XRCC5: variants seen among roughly 807,000 people sequenced by gnomAD.
XRCC5 encodes the protein X-ray repair cross complementing 5.
In XRCC5, 12 loss-of-function variants were observed where a neutral mutation model predicts 95.7. The observed-to-expected ratio is 0.13, with a 90% CI of 0.08 to 0.20. XRCC5 has a LOEUF of 0.20. Ranked by LOEUF, XRCC5 falls within the 10% of genes least tolerant of loss-of-function variation. The pLI, the probability that XRCC5 is intolerant of heterozygous loss-of-function variation, is 1.00. For missense variants in XRCC5, 595 were observed against 873.9 expected, an observed-to-expected ratio of 0.68 and a Z score of 4.02; for synonymous variants, 281 against 290.3, an observed-to-expected ratio of 0.97 and a Z score of 0.33.
At chr2:216,114,911 G>C (rs1280951079) in intron 2 of XRCC5, among the ~76,000 whole-genome samples, 1 of 152,126 alleles carries the variant, frequency 6.6e-6, no homozygotes, top group East Asian at 1.9e-4. Context: ...TTAAGCAGTA[G>C]CAGGGCTAGT....
chr2:216,160,059 C>G lies in XRCC5; in HGVS notation c.1671-9C>G, dbSNP rs367669831. The G allele has an allele frequency of 8.9e-5, 127 of 1,431,346 alleles. No homozygotes were observed. Among genetic ancestry groups the G allele is most frequent in the Non-Finnish European group, 1.0e-4 (112 of 1,088,754 alleles). 88.7% of individuals were successfully genotyped at this position (1,431,346 alleles called of 1,614,324 possible). A position where few individuals can be genotyped will look rare whatever the true frequency, so the allele number is the denominator to read the frequency against. ...TTGTTCTAAGAGAAATTTTTTTTTT[C>G]TTTTCTAGCCATGAAGATGGACCTA... On this transcript the variant is annotated splice_polypyrimidine_tract_variant and intron_variant, in intron 14 of 20. Transcript: ENST00000392132.
intron 16 of XRCC5, among the ~76,000 whole-genome samples, chr2:216,178,021 C>T (rs2106038264): frequency 6.6e-6 from 1 of 152,198 alleles, no homozygotes; most frequent in Admixed American, 6.5e-5. Flanking sequence ...CCTTTTTCAC[C>T]ACTGCTCTTT....
intron 16 of XRCC5, among the ~76,000 whole-genome samples, chr2:216,184,032 CTGTGTGTGTGTGTG>C (rs3221952): frequency 1.3e-3 from 189 of 145,492 alleles, no homozygotes; most frequent in Admixed American, 4.0e-3. Context: ...TAAGTCAGCA[CTGTGTGTGTGTGTG>C]TGTGTGTGTG....
At chr2:216,199,808 A>ATTTTTTT (rs879564899) in intron 19 of XRCC5, among the ~76,000 whole-genome samples, 3 of 121,886 alleles carry the variant, frequency 2.5e-5, no homozygotes, top group South Asian at 2.7e-4. Context: ...TGGCATTGGG[A>ATTTTTTT]TCTTTTTTTT....
intron 16 of XRCC5, among the ~76,000 whole-genome samples, chr2:216,165,545 T>C (rs1689039986): frequency 6.6e-6 from 1 of 152,206 alleles, no homozygotes; most frequent in African/African-American, 2.4e-5. Context: ...GCATCTTGTT[T>C]GTTTGTTTTT....
chr2:216,187,821 A>ACACACACACACACTCT (rs1312215177), intron 16 of XRCC5, among the ~76,000 whole-genome samples: 1 of 47,950 alleles, frequency 2.1e-5, no homozygotes, highest in Admixed American at 2.8e-4. Context: ...ACACACACAC[A>ACACACACACACACTCT]CTCTCTCTCT....
At chr2:216,196,231 A>C (rs1023512109) in intron 19 of XRCC5, among the ~76,000 whole-genome samples, 2 of 152,102 alleles carry the variant, frequency 1.3e-5, no homozygotes, top group Non-Finnish European at 1.5e-5. Flanking sequence ...AAAAAAAAAA[A>C]AAACTTGTCA....
chr2:216,142,999 C>G (rs895389545), intron 13 of XRCC5, among the ~76,000 whole-genome samples: 5 of 152,152 alleles, frequency 3.3e-5, no homozygotes, highest in Non-Finnish European at 7.4e-5. Flanking sequence ...CCTAACCTAC[C>G]AATCATCATA....
intron 19 of XRCC5, among the ~76,000 whole-genome samples, chr2:216,202,234 G>A (rs998258426): frequency 6.6e-6 from 1 of 152,172 alleles, no homozygotes; most frequent in Admixed American, 6.5e-5. Context: ...GCAGGATGCA[G>A]CTCTACTGTT....
At chr2:216,194,023 C>CAA (rs767964231) in intron 18 of XRCC5, among the ~76,000 whole-genome samples, 3 of 152,310 alleles carry the variant, frequency 2.0e-5, no homozygotes, top group Non-Finnish European at 1.5e-5. Context: ...GCCACTCTAT[C>CAA]AATAGCCAGT....
rs561147578 is a variant in XRCC5, at chr2:216,170,672, A to G, written c.1834+8624A>G. 3.3e-5 allele frequency among the ~76,000 whole-genome samples: 5 copies of G among 152,306 alleles called. 1 individual carries two copies. The highest frequency in any genetic ancestry group is 1.9e-4 in the East Asian group (1 of 5,192). On this transcript the variant is annotated intron_variant, in intron 16 of 20. Transcript: ENST00000392132. ...AACCATATCATTTCAGCTTGCATCA[A>G]TGACTTGGGCCATCAGTGCAACAAG... is the stretch of plus-strand genomic sequence containing the variant.
At chr2:216,158,713 A>G (rs1404153157) in intron 14 of XRCC5, among the ~76,000 whole-genome samples, 2 of 152,176 alleles carry the variant, frequency 1.3e-5, no homozygotes, top group East Asian at 3.8e-4. Flanking sequence ...TCAAAGGGAA[A>G]ACATTTAGTG....
chr2:216,180,961 GCA>G (rs1323642351), intron 16 of XRCC5, among the ~76,000 whole-genome samples: 24 of 151,680 alleles, frequency 1.6e-4, no homozygotes, highest in African/African-American at 5.6e-4. Context: ...TTACAGGCAT[GCA>G]CCACCACACC....
rs571467620 is a variant in XRCC5, at chr2:216,175,029, A to G, written c.1834+12981A>G. Reference sequence around the variant, plus strand: ...CATAATTTGATTGTTTTTGTCTGCTAAAATTTCCAGAATCATTATAGTTCC... The same window carrying G: ...CATAATTTGATTGTTTTTGTCTGCTGAAATTTCCAGAATCATTATAGTTCC... On this transcript the variant is annotated intron_variant, in intron 16 of 20. Transcript: ENST00000392132. 3.1e-4 allele frequency: 94 copies of G among 300,762 alleles called. 1 individual carries two copies. The Middle Eastern group carries it at 0.013, about 40-fold the overall frequency. 18.6% of individuals were successfully genotyped at this position (300,762 alleles called of 1,614,324 possible). A position where few individuals can be genotyped will look rare whatever the true frequency, so the allele number is the denominator to read the frequency against.
At chr2:216,178,504 C>T (rs1319124981) in intron 16 of XRCC5, among the ~76,000 whole-genome samples, 1 of 151,196 alleles carries the variant, frequency 6.6e-6, no homozygotes, top group African/African-American at 2.4e-5. Context: ...TGGGAGAACC[C>T]TCCATTCCCA....
chr2:216,118,936 C>T (rs1418299169), intron 4 of XRCC5, 107 bp from the exon 5 acceptor site: 2 of 1,176,978 alleles, frequency 1.7e-6, no homozygotes, highest in Non-Finnish European at 2.5e-6. Context: ...CATTTATTAA[C>T]TCTAGATCCA....
chr2:216,160,291 T>G, intron 15 of XRCC5, 130 bp downstream of exon 15: 1 of 555,524 alleles, frequency 1.8e-6, no homozygotes, highest in Non-Finnish European at 3.1e-6. Context: ...CTCTGGTCCT[T>G]GCTCTATAGA....
At chr2:216,157,821 A>G (rs1688875452) in intron 14 of XRCC5, among the ~76,000 whole-genome samples, 1 of 152,216 alleles carries the variant, frequency 6.6e-6, no homozygotes, top group African/African-American at 2.4e-5. Context: ...AACTGCTGAC[A>G]TTTATATGTC....
rs1188067261 is a variant in XRCC5, at chr2:216,122,134, T to C, written c.564T>C (p.His188=). The change falls in exon 6 of 21, where the codon CAT becomes CAC. Residue 188 remains histidine (H), a synonymous_variant. Coordinates refer to ENST00000392132, the MANE Select transcript of XRCC5 (RefSeq NM_021141.4). ...ATGGCCCCTTTCGCTTAGGTGGCCA[T>C]GGGCCTTCCTTTCCACTAAAAGGAA... ...RGDGPFRLGG[H]GPSFPLKGIT... is the part of the protein sequence containing the mutation. 3 of 1,614,170 alleles carry C rather than the reference T, an allele frequency of 1.9e-6. No individual in the cohort carries two copies. Among genetic ancestry groups the C allele is most frequent in the Admixed American group, 1.7e-5 (1 of 60,020 alleles).
Sources: gnomAD v4.1 joint callset for allele counts (sites outside exome capture counted in the v4.1 genomes callset) on GRCh38, gnomAD v4.1.1 for gene constraint, MANE v1.5 for transcripts, NCBI Gene and HGNC (gene_info 2026-07-23, HGNC 2026-07-21) for gene names.